Variants in ANKS1A observed in about 807,000 individuals in gnomAD.
ANKS1A encodes ankyrin repeat and SAM domain-containing protein 1A.
In ANKS1A, 55 loss-of-function variants were observed where a neutral mutation model predicts 120.3. The ratio of observed to expected loss-of-function variants is 0.46; its 90% CI spans 0.37 to 0.57. The LOEUF is 0.57. ANKS1A is among the 20% of genes least tolerant of loss of function. The pLI, the probability that ANKS1A is intolerant of heterozygous loss-of-function variation, is 0.00. For synonymous variants in ANKS1A, 590 were observed against 604.7 expected, an observed-to-expected ratio of 0.98 and a Z score of 0.36; for missense variants, 1,123 against 1,480.3, an observed-to-expected ratio of 0.76 and a Z score of 3.96.
chr6:34,944,689 T>C (rs916266749), intron 1 of ANKS1A, among the ~76,000 whole-genome samples: 6 of 152,182 alleles, frequency 3.9e-5, no homozygotes, highest in Non-Finnish European at 8.8e-5. Context: ...TCTGCACATA[T>C]GAAATGGTGG....
At chr6:34,994,986 G>A (rs934914358) in intron 10 of ANKS1A, among the ~76,000 whole-genome samples, 1 of 152,230 alleles carries the variant, frequency 6.6e-6, no homozygotes, top group African/African-American at 2.4e-5. Context: ...GTCGATATAA[G>A]TGCAGTCACG....
Position 35,018,030 on chromosome 6 carries a change from T to C in ANKS1A, c.1981T>C (p.Ser661Pro), listed in dbSNP as rs975743527. ...CATTGGGAAGAAAAGGCTAGAGAAG[T>C]CACCCTCCTTCGCCTCGGAGTGGGA... is the stretch of plus-strand genomic sequence containing the variant. ...CSIGKKRLEK[S>P]PSFASEWDEI... The change falls in exon 11 of 24, where the codon TCA (serine) becomes CCA (proline). Residue 661 changes from serine (S) to proline (P), a missense_variant. By Grantham distance (74) the Ser-to-Pro change is moderately conservative. Transcript: ENST00000360359. 1.9e-6 allele frequency: 3 copies of C among 1,613,804 alleles called. No homozygotes were observed. The highest frequency in any genetic ancestry group is 2.7e-5 in the African/African-American group (2 of 74,918).
rs1468182943 is a variant in ANKS1A, at chr6:35,050,384, C to T, written c.2011-3715C>T. Among the ~76,000 whole-genome samples, 1 of 152,168 alleles carries T rather than the reference C, an allele frequency of 6.6e-6. No homozygotes were observed. The highest frequency in any genetic ancestry group is 2.4e-5 in the African/African-American group (1 of 41,424). ...GGAAGCATGGCCATTTCTCATCTCTCTCCAAAAATGTCACTCATCCAAAAC... is the reference window on the plus strand; with the variant it reads ...GGAAGCATGGCCATTTCTCATCTCTTTCCAAAAATGTCACTCATCCAAAAC... On this transcript the variant is annotated intron_variant, in intron 11 of 23. Coordinates refer to ENST00000360359, the MANE Select transcript of ANKS1A (RefSeq NM_015245.3). This position sits in a 1 kb window ranked among gnomAD's most constrained non-coding sequence, Gnocchi z 4.3.
chr6:34,923,592 G>A (rs910650492), intron 1 of ANKS1A, among the ~76,000 whole-genome samples: 2 of 152,184 alleles, frequency 1.3e-5, no homozygotes, highest in Non-Finnish European at 2.9e-5. Flanking sequence ...TTACAGATGA[G>A]GAAACAGAGG....
intron 10 of ANKS1A, among the ~76,000 whole-genome samples, chr6:35,004,425 C>T (rs576193122): frequency 6.6e-6 from 1 of 151,748 alleles, no homozygotes; most frequent in Admixed American, 6.6e-5. Context: ...GAGCTGGAGA[C>T]CAGCCAGAAC....
chr6:35,084,441 G>A lies in ANKS1A; in HGVS notation c.3132+183G>A, dbSNP rs766554172. Among the ~76,000 whole-genome samples the A allele has an allele frequency of 3.9e-5, 6 of 152,008 alleles. No individual in the cohort carries two copies. The highest frequency in any genetic ancestry group is 5.9e-5 in the Non-Finnish European group (4 of 68,018). On this transcript the variant is annotated intron_variant, in intron 21 of 23. Transcript: ENST00000360359. The surrounding 1 kb of genome is among the most constrained non-coding windows in gnomAD (Gnocchi z 4.8). ...CCCCTTTCACAGTGATGAGACTGAC[G>A]CGCAGAGGGAACAGGGACTGGCCCA...
intron 8 of ANKS1A, among the ~76,000 whole-genome samples, chr6:34,985,961 T>C (rs3734258): frequency 0.84 from 128,450 of 152,176 alleles, 55,406 homozygotes; most frequent in Non-Finnish European, 0.95. Flanking sequence ...ATAAAGCCAT[T>C]GTAAGTTGAA....
At chr6:35,029,541 G>A (rs1215686997) in intron 11 of ANKS1A, among the ~76,000 whole-genome samples, 1 of 151,192 alleles carries the variant, frequency 6.6e-6, no homozygotes, top group East Asian at 1.9e-4. Context: ...TAGAGACGAG[G>A]TTTCACCATA....
chr6:34,897,379 G>T (rs902447789), intron 1 of ANKS1A, among the ~76,000 whole-genome samples: 3 of 152,134 alleles, frequency 2.0e-5, no homozygotes, highest in Admixed American at 6.5e-5. Context: ...AAACAGCTGT[G>T]AATTCTGGTT....
At position 35,086,471 on chromosome 6, in the gene ANKS1A, C is replaced by T. The variant is rs960924137; in HGVS notation, c.3304-481C>T. 17 of 789,624 alleles carry T rather than the reference C, an allele frequency of 2.2e-5. No homozygotes were observed. The African/African-American group carries it at 2.9e-4, about 13-fold the overall frequency. The allele number at this position is 789,624 out of a possible 1,614,324, so 48.9% of individuals were successfully genotyped here. A position where few individuals can be genotyped will look rare whatever the true frequency, so the allele number is the denominator to read the frequency against. ...CCCTCTGCCTGTGTGACATTCTTTC[C>T]CCTCTTCCTGAGATGCCCTCTGCCT... On this transcript the variant is annotated intron_variant, in intron 22 of 23. Coordinates refer to ENST00000360359, the MANE Select transcript of ANKS1A (RefSeq NM_015245.3). The surrounding 1 kb of genome is among the most constrained non-coding windows in gnomAD (Gnocchi z 5.1).
intron 11 of ANKS1A, chr6:35,039,695 T>C (rs763433643): frequency 5.7e-5 from 26 of 452,864 alleles, no homozygotes; most frequent in South Asian, 4.1e-4. Context: ...AAGTGTGTGT[T>C]TCTGCCCAGG....
chr6:34,937,619 G>A (rs1383470006), intron 1 of ANKS1A, among the ~76,000 whole-genome samples: 1 of 152,142 alleles, frequency 6.6e-6, no homozygotes, highest in African/African-American at 2.4e-5. Flanking sequence ...AACTGTGCTG[G>A]TTTAGAGAAT....
Position 35,087,430 on chromosome 6 carries a change from C to T in ANKS1A, c.3401+381C>T, listed in dbSNP as rs140770171. On this transcript the variant is annotated intron_variant, in intron 23 of 23. Coordinates refer to ENST00000360359, the MANE Select transcript of ANKS1A (RefSeq NM_015245.3). ...CAGGATCCCAACGGCACTGATAGCT[C>T]CCCAGGGTTGGGCTGGGCTCTGTGT... Among the ~76,000 whole-genome samples, 177 of 152,300 alleles carry T rather than the reference C, an allele frequency of 1.2e-3. 5 individuals carry two copies. In the East Asian group the frequency reaches 0.028, roughly 24 times the overall value.
intron 1 of ANKS1A, among the ~76,000 whole-genome samples, chr6:34,954,739 A>T (rs1770262913): frequency 6.6e-6 from 1 of 152,230 alleles, no homozygotes; most frequent in Admixed American, 6.5e-5. Flanking sequence ...ACGTAGCGTC[A>T]GCATCCTTTG....
At chr6:34,893,345 C>G (rs1307934917) in intron 1 of ANKS1A, among the ~76,000 whole-genome samples, 1 of 152,082 alleles carries the variant, frequency 6.6e-6, no homozygotes. Context: ...CTATGTTGCC[C>G]AGGCTAGTCT....
At chr6:35,041,148 A>G (rs1775436376) in intron 11 of ANKS1A, among the ~76,000 whole-genome samples, 1 of 152,262 alleles carries the variant, frequency 6.6e-6, no homozygotes, top group Non-Finnish European at 1.5e-5. Context: ...TCAAACGTTA[A>G]TAAACTAGCT....
intron 19 of ANKS1A, 81 bp downstream of exon 19, chr6:35,083,307 T>G: frequency 6.3e-7 from 1 of 1,592,064 alleles, no homozygotes; most frequent in Non-Finnish European, 8.6e-7. Context: ...TGCAGTTGCC[T>G]GGGCCCTGCT....
chr6:35,062,247 G>A (rs115296769), intron 13 of ANKS1A, among the ~76,000 whole-genome samples: 3,118 of 152,320 alleles, frequency 0.02, 109 homozygotes, highest in African/African-American at 0.069. Flanking sequence ...AAGAAGGAAC[G>A]TCGAGCACCC....
At chr6:34,952,940 C>G (rs1038037151) in intron 1 of ANKS1A, among the ~76,000 whole-genome samples, 1 of 152,112 alleles carries the variant, frequency 6.6e-6, no homozygotes, top group Non-Finnish European at 1.5e-5. Flanking sequence ...GAACTCCTGA[C>G]CTCAGGTGAT....
Sources: allele counts gnomAD v4.1 joint callset (sites outside exome capture counted in the v4.1 genomes callset), GRCh38; gene constraint gnomAD v4.1.1; non-coding constraint Gnocchi (gnomAD v3.1); transcripts MANE v1.5; gene names NCBI Gene and HGNC (gene_info 2026-07-23, HGNC 2026-07-21).